MOXD1: variants seen among roughly 807,000 people sequenced by gnomAD.
MOXD1 encodes monooxygenase DBH like 1, also known as DBH-like monooxygenase protein 1.
In MOXD1, 62 loss-of-function variants were observed where a neutral mutation model predicts 66.6. The observed-to-expected ratio is 0.93, with a 90% CI of 0.76 to 1.15. The LOEUF (loss-of-function observed/expected upper bound fraction) is 1.15. Ranked by LOEUF, MOXD1 falls within the 50% of genes most tolerant of loss-of-function variation. MOXD1 has a pLI of 0.00. For synonymous variants in MOXD1, 303 were observed against 281.9 expected (o/e 1.07, Z -0.75); for missense variants, 847 against 754.6 (o/e 1.12, Z -1.44).
chr6:132,387,519 C>T lies in MOXD1; in HGVS notation c.265-12742G>A, dbSNP rs926244012. ...CTGTAATTTCACCACTTTGGGAGGCCGAGGCAGGTGGATCGCTTGAGGTCA... is the reference window on the plus strand; with the variant it reads ...CTGTAATTTCACCACTTTGGGAGGCTGAGGCAGGTGGATCGCTTGAGGTCA... On this transcript the variant is annotated intron_variant, in intron 1 of 11. Coordinates refer to ENST00000367963, the MANE Select transcript of MOXD1 (RefSeq NM_015529.4). Among the ~76,000 whole-genome samples, 54 of 150,686 alleles carry T rather than the reference C, an allele frequency of 3.6e-4. 2 individuals carry two copies. The highest frequency in any genetic ancestry group is 2.2e-4 in the African/African-American group (9 of 41,318).
intron 1 of MOXD1, among the ~76,000 whole-genome samples, chr6:132,400,287 G>A (rs887985528): frequency 1.3e-5 from 2 of 152,134 alleles, no homozygotes; most frequent in Non-Finnish European, 2.9e-5. Flanking sequence ...CAGTATGTTC[G>A]GATGAATTTT....
intron 4 of MOXD1, among the ~76,000 whole-genome samples, chr6:132,353,508 T>C (rs184185747): frequency 6.6e-6 from 1 of 152,234 alleles, no homozygotes; most frequent in Admixed American, 6.5e-5. Context: ...TTCTCGCTTG[T>C]AGGGTTTCTG....
chr6:132,374,514 A>C (rs967721934), intron 2 of MOXD1, 117 bp downstream of exon 2: 5 of 1,059,818 alleles, frequency 4.7e-6, no homozygotes, highest in African/African-American at 1.6e-5. Flanking sequence ...AAATCAAAAA[A>C]GATTTCAAAA....
At position 132,296,392 on chromosome 6, in the gene MOXD1, A is replaced by AT. The variant is rs1320111028; in HGVS notation, c.*760dup. ...CAGCACTGGGTTTGCAGCCAGCTACATTTTTTCTCCTCAGCCTATGATCAG... is the reference window on the plus strand; with the variant it reads ...CAGCACTGGGTTTGCAGCCAGCTACATTTTTTTCTCCTCAGCCTATGATCAG... On this transcript the variant is annotated 3_prime_UTR_variant, in exon 12 of 12. Coordinates refer to ENST00000367963, the MANE Select transcript of MOXD1 (RefSeq NM_015529.4). 1 of 152,080 alleles carries AT rather than the reference A, an allele frequency of 6.6e-6. No homozygotes were observed. The highest frequency in any genetic ancestry group is 2.4e-5 in the African/African-American group (1 of 41,388). The allele number at this position is 152,080 out of a possible 1,614,324, so 9.4% of individuals were successfully genotyped here. A position where few individuals can be genotyped will look rare whatever the true frequency, so the allele number is the denominator to read the frequency against.
rs374782387 is a variant in MOXD1 at position 132,322,874 on chromosome 6, C to T, written c.1114-4G>A. ...TTGGCTTTTCGGCTTCCAGAGCCTA[C>T]AGGAGACACCGAGGAAGACCCGATT... is the stretch of plus-strand genomic sequence containing the variant. On this transcript the variant is annotated splice_polypyrimidine_tract_variant and splice_region_variant and intron_variant, in intron 7 of 11. Transcript: ENST00000367963. 95 of 1,608,162 alleles carry T rather than the reference C, an allele frequency of 5.9e-5. No homozygotes were observed. The African/African-American group carries it at 1.2e-3, about 20-fold the overall frequency.
chr6:132,398,504 C>T (rs759792996), intron 1 of MOXD1, among the ~76,000 whole-genome samples: 5 of 152,158 alleles, frequency 3.3e-5, no homozygotes, highest in Non-Finnish European at 5.9e-5. Flanking sequence ...TTGTCCAACT[C>T]TTAGTGGCTG....
chr6:132,389,608 A>C (rs1028884439), intron 1 of MOXD1, among the ~76,000 whole-genome samples: 2 of 151,570 alleles, frequency 1.3e-5, no homozygotes, highest in African/African-American at 4.8e-5. Context: ...AATTATTAAA[A>C]CATCTCCAAG....
intron 4 of MOXD1, among the ~76,000 whole-genome samples, chr6:132,336,832 T>C (rs117593126): frequency 0.01 from 1,555 of 152,294 alleles, 13 homozygotes; most frequent in Middle Eastern, 0.017. Flanking sequence ...TTCTCATGCG[T>C]CTACCATCTT....
chr6:132,316,896 C>T (rs1774971063), intron 9 of MOXD1, among the ~76,000 whole-genome samples: 2 of 151,706 alleles, frequency 1.3e-5, no homozygotes, highest in Admixed American at 6.6e-5. Context: ...TGAAATAATC[C>T]CCAATTTAAT....
intron 4 of MOXD1, among the ~76,000 whole-genome samples, chr6:132,343,349 C>T (rs145062878): frequency 6.6e-5 from 10 of 152,174 alleles, no homozygotes; most frequent in Middle Eastern, 3.4e-3. Context: ...CTGAGGTGGG[C>T]GGACCACCAG....
At chr6:132,299,177 GA>G (rs1273765979) in intron 10 of MOXD1, among the ~76,000 whole-genome samples, 3 of 152,254 alleles carry the variant, frequency 2.0e-5, no homozygotes, top group African/African-American at 7.2e-5. Flanking sequence ...CACAGGAACA[GA>G]AAACCAAAAA....
intron 10 of MOXD1, among the ~76,000 whole-genome samples, chr6:132,303,881 ATATAT>A (rs1247227283): frequency 1.2e-3 from 41 of 35,338 alleles, no homozygotes; most frequent in African/African-American, 7.2e-3. Context: ...ATATATATAC[ATATAT>A]ACATAAAACC....
At chr6:132,357,883 C>A (rs1775939582) in intron 4 of MOXD1, among the ~76,000 whole-genome samples, 1 of 152,024 alleles carries the variant, frequency 6.6e-6, no homozygotes, top group Admixed American at 6.5e-5. Context: ...ATGAGAAAGG[C>A]AGTTTTTTCC....
At chr6:132,319,278 C>G (rs1305595533) in intron 9 of MOXD1, among the ~76,000 whole-genome samples, 2 of 151,892 alleles carry the variant, frequency 1.3e-5, no homozygotes, top group African/African-American at 2.4e-5. Context: ...ACCAAAACCT[C>G]AAATCGTAAA....
At position 132,374,727 on chromosome 6, in the gene MOXD1, A is replaced by G. The variant is rs752578535; in HGVS notation, c.315T>C (p.Asp105=). The change falls in exon 2 of 12, where the codon GAT becomes GAC. Residue 105 remains aspartate (D), a synonymous_variant. Coordinates refer to ENST00000367963, the MANE Select transcript of MOXD1 (RefSeq NM_015529.4). ...TTTCCATGGCATATTCTAGATGGTAATCTTGCTGAGCATCTTTTTTCAACT... is the reference window on the plus strand; with the variant it reads ...TTTCCATGGCATATTCTAGATGGTAGTCTTGCTGAGCATCTTTTTTCAACT... The part of the protein sequence containing the change: ...NRELKKDAQQ[D]YHLEYAMENS... 5.0e-6 allele frequency: 8 copies of G among 1,613,944 alleles called. No individual in the cohort carries two copies. The highest frequency in any genetic ancestry group is 4.4e-5 in the South Asian group (4 of 91,080).
chr6:132,340,847 C>T (rs1775543413), intron 4 of MOXD1, among the ~76,000 whole-genome samples: 2 of 151,866 alleles, frequency 1.3e-5, no homozygotes, highest in Non-Finnish European at 2.9e-5. Context: ...GGGGTTTCAT[C>T]GTGTTAGCCA....
chr6:132,325,331 A>T (rs1441848945), intron 6 of MOXD1, among the ~76,000 whole-genome samples: 1 of 152,186 alleles, frequency 6.6e-6, no homozygotes, highest in African/African-American at 2.4e-5. Context: ...CTATGGTTAA[A>T]TGTCTATCTC....
intron 4 of MOXD1, among the ~76,000 whole-genome samples, chr6:132,371,058 T>A (rs1407394282): frequency 6.6e-6 from 1 of 152,164 alleles, no homozygotes; most frequent in East Asian, 1.9e-4. Context: ...AAATTTACAA[T>A]TAATGTTTGC....
At chr6:132,311,009 G>A (rs978629007) in intron 10 of MOXD1, among the ~76,000 whole-genome samples, 1 of 152,140 alleles carries the variant, frequency 6.6e-6, no homozygotes, top group Non-Finnish European at 1.5e-5. Flanking sequence ...AAAACACTTT[G>A]TGTTCCAGGA....
Sources: allele counts gnomAD v4.1 joint callset (sites outside exome capture counted in the v4.1 genomes callset), GRCh38; gene constraint gnomAD v4.1.1; transcripts MANE v1.5; gene names NCBI Gene and HGNC (gene_info 2026-07-23, HGNC 2026-07-21).